CLSTN2: variants seen among roughly 807,000 people sequenced by gnomAD.
CLSTN2 encodes the protein calsyntenin 2.
In CLSTN2, 48 loss-of-function variants were observed where a neutral mutation model predicts 101.2. That is an observed-to-expected ratio of 0.47 (90% CI 0.38 to 0.60). The LOEUF (loss-of-function observed/expected upper bound fraction) is 0.60, where lower values mean the gene tolerates loss of function less well. CLSTN2 is among the 20% of genes least tolerant of loss of function. CLSTN2 has a pLI of 0.00. For synonymous variants in CLSTN2, 481 were observed against 463.6 expected, an observed-to-expected ratio of 1.04 and a Z score of -0.48; for missense variants, 1,160 against 1,238.2, an observed-to-expected ratio of 0.94 and a Z score of 0.95.
At chr3:139,988,930 G>A (rs570251879) in intron 1 of CLSTN2, among the ~76,000 whole-genome samples, 25 of 152,210 alleles carry the variant, frequency 1.6e-4, no homozygotes, top group Admixed American at 7.9e-4. Context: ...GAAGGACAGA[G>A]TGTGATAGAA....
At chr3:140,478,143 C>A (rs1040476228) in intron 8 of CLSTN2, among the ~76,000 whole-genome samples, 3 of 152,148 alleles carry the variant, frequency 2.0e-5, no homozygotes, top group African/African-American at 4.8e-5. Context: ...ACTATCACGT[C>A]TTGTTCACCT....
chr3:139,998,551 T>A (rs917703752), intron 1 of CLSTN2, among the ~76,000 whole-genome samples: 31 of 151,468 alleles, frequency 2.0e-4, no homozygotes, highest in Non-Finnish European at 3.7e-4. Context: ...TCACCGTGTT[T>A]GCCAGGATGG....
chr3:140,167,156 A>G (rs1384808690), intron 1 of CLSTN2, among the ~76,000 whole-genome samples: 2 of 152,362 alleles, frequency 1.3e-5, no homozygotes, highest in South Asian at 2.1e-4. Context: ...ATTTCTGTAC[A>G]TGCCAAAAAG....
intron 2 of CLSTN2, among the ~76,000 whole-genome samples, chr3:140,359,789 A>G (rs1477210143): frequency 6.6e-6 from 1 of 152,114 alleles, no homozygotes; most frequent in Non-Finnish European, 1.5e-5. Context: ...TTCCAATTAT[A>G]TCCTCTTGCC....
intron 4 of CLSTN2, among the ~76,000 whole-genome samples, chr3:140,407,087 T>C (rs1447904631): frequency 6.6e-6 from 1 of 152,092 alleles, no homozygotes; most frequent in African/African-American, 2.4e-5. Context: ...CAGCGAGGTG[T>C]ACAGAAGCAG....
intron 1 of CLSTN2, among the ~76,000 whole-genome samples, chr3:140,163,419 T>TACACACAC (rs60464575): frequency 0.034 from 5,000 of 145,078 alleles, 270 homozygotes; most frequent in African/African-American, 0.12. Flanking sequence ...TTTCTATCTC[T>TACACACAC]ACACACACAC....
At chr3:140,505,072 CT>C (rs11414136) in intron 8 of CLSTN2, among the ~76,000 whole-genome samples, 2 of 149,910 alleles carry the variant, frequency 1.3e-5, no homozygotes, top group Non-Finnish European at 1.5e-5. Flanking sequence ...AAGAAAGTAT[CT>C]TTTTTTTTTG....
At chr3:139,960,538 A>G (rs779208906) in intron 1 of CLSTN2, among the ~76,000 whole-genome samples, 4 of 152,252 alleles carry the variant, frequency 2.6e-5, no homozygotes, top group Non-Finnish European at 5.9e-5. Flanking sequence ...CTCTCCTCCA[A>G]GGCCTAGCAC....
chr3:140,041,516 G>A (rs2007761498), intron 1 of CLSTN2, among the ~76,000 whole-genome samples: 1 of 152,140 alleles, frequency 6.6e-6, no homozygotes, highest in Non-Finnish European at 1.5e-5. Flanking sequence ...GGTAGGTGGT[G>A]GAGGAGGAGA....
At chr3:140,058,586 A>G (rs2008140314) in intron 1 of CLSTN2, among the ~76,000 whole-genome samples, 1 of 152,182 alleles carries the variant, frequency 6.6e-6, no homozygotes, top group African/African-American at 2.4e-5. Context: ...TGGGAAGGAA[A>G]GGTCTATAAC....
intron 2 of CLSTN2, among the ~76,000 whole-genome samples, chr3:140,295,591 G>A (rs1219428569): frequency 6.6e-6 from 1 of 151,982 alleles, no homozygotes; most frequent in Admixed American, 6.6e-5. Flanking sequence ...TTACACAACT[G>A]CCCCAAGTTT....
chr3:140,532,164 T>C (rs1338766306), intron 8 of CLSTN2, among the ~76,000 whole-genome samples, 160 bp from the exon 9 acceptor site: 1 of 152,246 alleles, frequency 6.6e-6, no homozygotes, highest in Non-Finnish European at 1.5e-5. Flanking sequence ...ATGACAAGCT[T>C]CTATAACTTC....
chr3:140,378,132 T>C (rs1244274452), intron 2 of CLSTN2, among the ~76,000 whole-genome samples: 1 of 152,258 alleles, frequency 6.6e-6, no homozygotes, highest in African/African-American at 2.4e-5. Context: ...TGTAGTAGTC[T>C]GTACCACCTA....
chr3:140,060,846 T>C (rs922762337), intron 1 of CLSTN2, among the ~76,000 whole-genome samples: 3 of 152,214 alleles, frequency 2.0e-5, no homozygotes, highest in African/African-American at 7.2e-5. Flanking sequence ...CTATTTCTTT[T>C]ATTCCTTCAT....
chr3:140,481,743 T>C (rs1259108822), intron 8 of CLSTN2, among the ~76,000 whole-genome samples: 1 of 152,196 alleles, frequency 6.6e-6, no homozygotes, highest in East Asian at 1.9e-4. Flanking sequence ...TATTTGGCTC[T>C]CTGTTTGTCT....
chr3:140,424,814 G>A (rs1159814936), intron 5 of CLSTN2, among the ~76,000 whole-genome samples: 1 of 152,128 alleles, frequency 6.6e-6, no homozygotes, highest in Non-Finnish European at 1.5e-5. Context: ...GAGGAGAGCA[G>A]TTTGGCTTGC....
chr3:140,318,005 T>C (rs2087245248), intron 2 of CLSTN2, among the ~76,000 whole-genome samples: 1 of 152,190 alleles, frequency 6.6e-6, no homozygotes, highest in African/African-American at 2.4e-5. Flanking sequence ...CCAGCGCACA[T>C]TACCGCTGTA....
At chr3:140,503,667 A>G (rs1934626533) in intron 8 of CLSTN2, among the ~76,000 whole-genome samples, 2 of 152,258 alleles carry the variant, frequency 1.3e-5, no homozygotes, top group Non-Finnish European at 2.9e-5. Flanking sequence ...CACAATAGGA[A>G]TGCTCTTAAT....
chr3:140,415,785 T>A (rs932379956), intron 4 of CLSTN2, among the ~76,000 whole-genome samples: 2 of 152,144 alleles, frequency 1.3e-5, no homozygotes, highest in Non-Finnish European at 2.9e-5. Context: ...ACGGAAAACA[T>A]CATGAATGTA....
Sources: allele counts gnomAD v4.1 joint callset (sites outside exome capture counted in the v4.1 genomes callset), GRCh38; gene constraint gnomAD v4.1.1; transcripts MANE v1.5; gene names NCBI Gene and HGNC (gene_info 2026-07-23, HGNC 2026-07-21).